The following TRIM66 variants were observed in gnomAD, a reference collection of about 807,000 sequenced individuals.
TRIM66 encodes the protein tripartite motif containing 66, also known as tripartite motif-containing protein 66.
TRIM66 carries 99 observed loss-of-function variants against 148.2 expected under a neutral mutation model. That is an observed-to-expected ratio of 0.67 (90% confidence interval 0.57 to 0.79). The LOEUF is 0.79. Ranked by LOEUF, TRIM66 falls within the 30% of genes least tolerant of loss-of-function variation. The pLI is 0.00. For synonymous variants in TRIM66, 616 were observed against 635.9 expected (o/e 0.97, Z 0.47); for missense variants, 1,666 against 1,697.9 (o/e 0.98, Z 0.33).
intron 20 of TRIM66, 69 bp from the exon 21 acceptor site, chr11:8,620,641 C>T (rs945412070): frequency 6.6e-7 from 1 of 1,513,432 alleles, no homozygotes; most frequent in East Asian, 2.5e-5. Context: ...TCTCCCTCTG[C>T]CCTATGGCAG....
chr11:8,682,426 G>A, intron 1 of TRIM66, 175 bp downstream of exon 1: 1 of 291,816 alleles, frequency 3.4e-6, no homozygotes, highest in Non-Finnish European at 6.6e-6. Context: ...CAGGGCTGGC[G>A]CATTTGGTGA....
Position 8,631,142 on chromosome 11 carries a change from A to G in TRIM66, c.2311-5914T>C, listed in dbSNP as rs77186796. On this transcript the variant is annotated intron_variant, in intron 15 of 24. Coordinates refer to ENST00000646038, the MANE Select transcript of TRIM66 (RefSeq NM_001388022.1). ...TTACCTAGATTTCCCAAGCTCATAC[A>G]GGTCCAAGACTAGGAATCTGGGACC... Among the ~76,000 whole-genome samples the G allele has an allele frequency of 8.3e-3, 1,257 of 152,338 alleles. 24 individuals are homozygous for G. The highest frequency in any genetic ancestry group is 0.028 in the African/African-American group (1,155 of 41,576).
chr11:8,663,095 T>C (rs1380817356), intron 6 of TRIM66: 1 of 152,244 alleles, frequency 6.6e-6, no homozygotes, highest in Non-Finnish European at 1.5e-5. Flanking sequence ...TCCCACTGCA[T>C]GGCTAGGCCA....
intron 15 of TRIM66, among the ~76,000 whole-genome samples, chr11:8,636,622 T>C (rs1485590036): frequency 1.3e-5 from 2 of 152,068 alleles, no homozygotes; most frequent in African/African-American, 2.4e-5. Context: ...TATCATCAAT[T>C]AGACACTGAG....
In TRIM66 at chr11:8,617,938, T is replaced by C. The variant is rs1333032487; in HGVS notation, c.*6A>G. 1.3e-6 allele frequency: 2 copies of C among 1,551,706 alleles called. No individual in the cohort carries two copies. Among genetic ancestry groups the C allele is most frequent in the East Asian group, 4.9e-5 (2 of 40,930 alleles). On this transcript the variant is annotated 3_prime_UTR_variant, in exon 25 of 25. Transcript: ENST00000646038. ...GCTGCCAGAGTGCCCAGTCTCCTTTTGGCTCTCACACCTGAGAGATGCTGT... is the reference window on the plus strand; with the variant it reads ...GCTGCCAGAGTGCCCAGTCTCCTTTCGGCTCTCACACCTGAGAGATGCTGT...
chr11:8,682,895 A>G (rs757674734), upstream of TRIM66: 24 of 1,503,670 alleles, frequency 1.6e-5, no homozygotes, highest in Non-Finnish European at 2.1e-5. Context: ...CTAGTCATCC[A>G]CTCCCTACCA....
chr11:8,644,201 T>C (rs1198986438), intron 12 of TRIM66: 6 of 310,648 alleles, frequency 1.9e-5, no homozygotes, highest in South Asian at 1.7e-4. Context: ...ATATCACTAG[T>C]GTCCTAATTC....
At chr11:8,625,317 T>G in intron 15 of TRIM66, 89 bp from the exon 16 acceptor site, 1 of 1,409,298 alleles carries the variant, frequency 7.1e-7, no homozygotes, top group South Asian at 1.5e-5. Context: ...GGAACTCCCA[T>G]GCTCCAATTC....
In TRIM66 at chr11:8,617,409, C is replaced by T. The variant is rs1213860616; in HGVS notation, c.*535G>A. 6.5e-6 allele frequency: 1 copy of T among 153,304 alleles called. No homozygotes were observed. The highest frequency in any genetic ancestry group is 2.4e-5 in the African/African-American group (1 of 41,616). 9.5% of individuals were successfully genotyped at this position (153,304 alleles called of 1,614,324 possible). A position where few individuals can be genotyped will look rare whatever the true frequency, so the allele number is the denominator to read the frequency against. ...GACCTATGGCCTCTAGAAGCCTCCACTAGTCTGCACATGGCAGGTGCCTCT... is the reference window on the plus strand; with the variant it reads ...GACCTATGGCCTCTAGAAGCCTCCATTAGTCTGCACATGGCAGGTGCCTCT... On this transcript the variant is annotated 3_prime_UTR_variant, in exon 25 of 25. Transcript: ENST00000646038.
chr11:8,672,038 G>T lies in TRIM66; in HGVS notation c.88C>A (p.Pro30Thr). The change falls in exon 6 of 25, where the codon CCA becomes ACA. Residue 30 changes from proline (P) to threonine (T), a missense_variant. Physicochemically the swap from Pro to Thr is conservative, Grantham distance 38. Around this residue, in one of 3 missense-constraint regions of TRIM66, gnomAD observed 1,431 missense variants for 1,412.4 expected, o/e 1.01. Coordinates refer to ENST00000646038, the MANE Select transcript of TRIM66 (RefSeq NM_001388022.1). ...FSPEDISGKA[P>T]VLGTGMAVDM... ...ACAGCCATGCCTGTGCCCAGGACTG[G>T]GGCTTTTCCACTGATATCCTCAGGT... is the stretch of plus-strand genomic sequence containing the variant. The T allele has an allele frequency of 1.3e-6, 2 of 1,535,824 alleles. No homozygotes were observed. Among genetic ancestry groups the T allele is most frequent in the Non-Finnish European group, 1.7e-6 (2 of 1,146,896 alleles).
At position 8,620,115 on chromosome 11, in the gene TRIM66, T is replaced by C. The variant is rs1230073350; in HGVS notation, c.3682A>G (p.Lys1228Glu). 1 of 1,551,654 alleles carries C rather than the reference T, an allele frequency of 6.4e-7. No individual in the cohort carries two copies. Among genetic ancestry groups the C allele is most frequent in the South Asian group, 1.2e-5 (1 of 84,056 alleles). The change falls in exon 22 of 25, where the codon AAG becomes GAG. Residue 1228 changes from lysine to glutamate, a missense_variant. Around this residue, in one of 3 missense-constraint regions of TRIM66, gnomAD observed 204 missense variants for 231.0 expected, o/e 0.88. Transcript: ENST00000646038. The stretch of plus-strand genomic sequence containing the variant: ...TTGCAGCACAAGGACAATACCAGCT[T>C]CTCACACTTCTGCAAAATCAGAATT... Reference protein sequence around the residue: ...LSMYDQKKCEKLVLSLCCNNL... With the variant: ...LSMYDQKKCEELVLSLCCNNL...
chr11:8,657,354 C>T (rs1423819024), intron 6 of TRIM66, among the ~76,000 whole-genome samples: 1 of 152,212 alleles, frequency 6.6e-6, no homozygotes, highest in East Asian at 1.9e-4. Flanking sequence ...ATAGCATCCA[C>T]TGGAGGAGCC....
At chr11:8,666,341 GAAAAAAAAAAAAA>G (rs558326812) in intron 6 of TRIM66, among the ~76,000 whole-genome samples, 1,572 of 23,568 alleles carry the variant, frequency 0.067, 39 homozygotes, top group African/African-American at 0.13. Flanking sequence ...CTCCGCCTCA[GAAAAAAAAAAAAA>G]AAAAAAAAAA....
chr11:8,633,384 T>C (rs2035594942), intron 15 of TRIM66, among the ~76,000 whole-genome samples: 1 of 152,200 alleles, frequency 6.6e-6, no homozygotes, highest in African/African-American at 2.4e-5. Flanking sequence ...TATTCTGTCT[T>C]ATTAAACAGA....
intron 8 of TRIM66, among the ~76,000 whole-genome samples, chr11:8,649,205 G>T (rs926570947): frequency 2.0e-5 from 3 of 152,210 alleles, no homozygotes; most frequent in Non-Finnish European, 2.9e-5. Flanking sequence ...TGGGCGCGGT[G>T]GCGCATGCCT....
chr11:8,652,296 C>T (rs777937655), intron 6 of TRIM66, among the ~76,000 whole-genome samples: 4 of 152,144 alleles, frequency 2.6e-5, no homozygotes, highest in African/African-American at 4.8e-5. Context: ...TCAGTTTAGT[C>T]TGGGCACAGT....
At chr11:8,650,440 G>A (rs192144073) in intron 7 of TRIM66, among the ~76,000 whole-genome samples, 141 of 151,008 alleles carry the variant, frequency 9.3e-4, no homozygotes, top group African/African-American at 3.3e-3. Context: ...GAGGAGAGGA[G>A]GAGGGGAAGG....
intron 6 of TRIM66, among the ~76,000 whole-genome samples, chr11:8,656,074 T>C (rs2037805582): frequency 6.6e-6 from 1 of 152,198 alleles, no homozygotes. Flanking sequence ...ACAACACCTT[T>C]GTCCAGAAAT....
At chr11:8,653,098 CA>C (rs2037505686) in intron 6 of TRIM66, among the ~76,000 whole-genome samples, 1 of 152,216 alleles carries the variant, frequency 6.6e-6, no homozygotes, top group Non-Finnish European at 1.5e-5. Context: ...CACAGTAATG[CA>C]ATAAACTCAA....
Sources: gnomAD v4.1 joint callset for allele counts (sites outside exome capture counted in the v4.1 genomes callset) on GRCh38, gnomAD v4.1.1 for gene constraint, gnomAD v4.1.1 regional missense constraint, MANE v1.5 for transcripts, NCBI Gene and HGNC (gene_info 2026-07-23, HGNC 2026-07-21) for gene names.